ZBTB38: variants seen among roughly 807,000 people sequenced by gnomAD.
ZBTB38 encodes zinc finger and BTB domain-containing protein 38.
Under a neutral mutation model 76.8 loss-of-function variants are expected in ZBTB38, and 20 were observed. The observed-to-expected ratio is 0.26, with a 90% confidence interval of 0.18 to 0.38. The LOEUF is 0.38. ZBTB38 is among the 10% of genes least tolerant of loss of function. The probability of loss-of-function intolerance (pLI) is 1.00; values close to 1 mark genes in which losing one functional copy is unlikely to be tolerated. For synonymous variants in ZBTB38, 504 were observed against 544.2 expected, an observed-to-expected ratio of 0.93 and a Z score of 1.03; for missense variants, 1,082 against 1,482.3, an observed-to-expected ratio of 0.73 and a Z score of 4.43.
intron 5 of ZBTB38, among the ~76,000 whole-genome samples, chr3:141,424,159 T>G (rs1384780730): frequency 1.3e-5 from 2 of 152,224 alleles, no homozygotes; most frequent in African/African-American, 4.8e-5. Context: ...TTAAACACCT[T>G]CCTTTCTACC....
intron 5 of ZBTB38, among the ~76,000 whole-genome samples, chr3:141,426,717 G>A (rs2076468269): frequency 6.6e-6 from 1 of 152,186 alleles, no homozygotes; most frequent in Non-Finnish European, 1.5e-5. Context: ...TAAAGAATTT[G>A]TTGCCAATTC....
chr3:141,360,004 A>AACTTCATCTTCATAACCTCAATTATG, intron 1 of ZBTB38, among the ~76,000 whole-genome samples: 3 of 152,148 alleles, frequency 2.0e-5, no homozygotes, highest in Non-Finnish European at 4.4e-5. Context: ...TGAAGTTTTA[A>AACTTCATCTTCATAACCTCAATTATG]AACCTCATAT....
At chr3:141,403,143 A>T (rs1952931761) in intron 4 of ZBTB38, 2 of 152,336 alleles carry the variant, frequency 1.3e-5, no homozygotes, top group South Asian at 4.1e-4. Context: ...TAACTCCTGC[A>T]CTGCGGTAGG....
At chr3:141,401,611 ATTTT>A (rs10935429) in intron 4 of ZBTB38, among the ~76,000 whole-genome samples, 3 of 146,638 alleles carry the variant, frequency 2.0e-5, no homozygotes, top group Non-Finnish European at 4.5e-5. Flanking sequence ...GTGGCCTTGA[ATTTT>A]TTTTTTTTTT....
chr3:141,370,560 C>T (rs945545604), intron 2 of ZBTB38, among the ~76,000 whole-genome samples: 2 of 152,224 alleles, frequency 1.3e-5, no homozygotes, highest in Non-Finnish European at 2.9e-5. Flanking sequence ...TGCATAGAAA[C>T]AGTGGGAGAA....
chr3:141,438,057 G>T (rs1042723744), intron 5 of ZBTB38, among the ~76,000 whole-genome samples: 7 of 145,670 alleles, frequency 4.8e-5, no homozygotes, highest in African/African-American at 1.8e-4. Flanking sequence ...GACTACAGGC[G>T]CACGCCACTA....
At chr3:141,433,503 G>A in intron 5 of ZBTB38, among the ~76,000 whole-genome samples, 1 of 151,940 alleles carries the variant, frequency 6.6e-6, no homozygotes, top group Non-Finnish European at 1.5e-5. Context: ...TTAGATTGAT[G>A]CAAAAGTAAT....
intron 1 of ZBTB38, among the ~76,000 whole-genome samples, chr3:141,369,628 C>A (rs1195909303): frequency 3.3e-5 from 5 of 152,152 alleles, no homozygotes; most frequent in Non-Finnish European, 7.3e-5. Flanking sequence ...GAGTCAGCAT[C>A]TAGTCTTCGT....
At chr3:141,344,567 T>C (rs1943287956) in intron 1 of ZBTB38, among the ~76,000 whole-genome samples, 1 of 152,090 alleles carries the variant, frequency 6.6e-6, no homozygotes, top group Non-Finnish European at 1.5e-5. Context: ...AGATGTGGGG[T>C]CTCACTGTGT....
chr3:141,439,356 A>T (rs185330900), intron 5 of ZBTB38, among the ~76,000 whole-genome samples: 292 of 152,388 alleles, frequency 1.9e-3, no homozygotes, highest in Non-Finnish European at 3.1e-3. Flanking sequence ...TGACACACAA[A>T]GGTAGATATC....
At chr3:141,402,536 A>C (rs1049081341) in intron 4 of ZBTB38, 2 of 147,280 alleles carry the variant, frequency 1.4e-5, no homozygotes, top group Admixed American at 1.3e-4. Context: ...TGGCGCCGCC[A>C]GCCCGATCGC....
intron 5 of ZBTB38, among the ~76,000 whole-genome samples, chr3:141,436,686 T>G (rs530589477): frequency 2.2e-4 from 34 of 152,166 alleles, no homozygotes; most frequent in South Asian, 1.5e-3. Context: ...TTAATAGAGA[T>G]AGAGTTTCAC....
At chr3:141,426,075 T>C (rs2150322714) in intron 5 of ZBTB38, 1 of 1,166,412 alleles carries the variant, frequency 8.6e-7, no homozygotes, top group East Asian at 5.7e-5. Flanking sequence ...AATGGGGACA[T>C]TGTTGCATTT....
chr3:141,403,035 G>A (rs2149607573), intron 4 of ZBTB38: 1 of 152,300 alleles, frequency 6.6e-6, no homozygotes, highest in Non-Finnish European at 1.5e-5. Flanking sequence ...CTGCTCTGTT[G>A]GTACAACATA....
chr3:141,365,028 A>C (rs1943924770), upstream of ZBTB38, among the ~76,000 whole-genome samples: 1 of 151,790 alleles, frequency 6.6e-6, no homozygotes, highest in African/African-American at 2.4e-5. Flanking sequence ...CAGCAATCCC[A>C]CTCTTTTGTG....
chr3:141,378,332 T>TA (rs1007014331), intron 2 of ZBTB38, among the ~76,000 whole-genome samples: 51 of 151,698 alleles, frequency 3.4e-4, no homozygotes, highest in Admixed American at 8.5e-4. Context: ...GCACATGTGA[T>TA]ACGTTGCATA....
chr3:141,336,720 C>A (rs1051681483), intron 1 of ZBTB38, among the ~76,000 whole-genome samples: 1 of 152,154 alleles, frequency 6.6e-6, no homozygotes, highest in East Asian at 1.9e-4. Flanking sequence ...GGGCCACGGT[C>A]GGCCTCTGGG....
rs768698170 is a variant in ZBTB38 at position 141,444,816 on chromosome 3, G to A, written c.2428G>A (p.Glu810Lys). 6.2e-7 allele frequency: 1 copy of A among 1,614,000 alleles called. No homozygotes were observed. Among genetic ancestry groups the A allele is most frequent in the Non-Finnish European group, 8.5e-7 (1 of 1,180,034 alleles). Residue 810 changes from glutamate (E) to lysine (K), a missense_variant, in exon 6 of 6, where the codon GAA (glutamate) becomes AAA (lysine). Around this residue, in one of 8 missense-constraint regions of ZBTB38, gnomAD observed 471 missense variants for 581.0 expected, o/e 0.81. Coordinates refer to ENST00000321464, the MANE Select transcript of ZBTB38 (RefSeq NM_001376113.1). The surrounding 1 kb of genome is among the most constrained non-coding windows in gnomAD (Gnocchi z 5.1). ...ACTGAGCAAAACCACAAATATTGCT[G>A]AAGAAACCAGCAAAATTGAAACCTA... ...GSLSKTTNIAEETSKIETYIA... is the reference protein window; with the variant it reads ...GSLSKTTNIAKETSKIETYIA...
intron 1 of ZBTB38, among the ~76,000 whole-genome samples, chr3:141,340,950 G>A (rs973305762): frequency 0.26 from 1,761 of 6,830 alleles, 42 homozygotes; most frequent in African/African-American, 0.39. Context: ...AAGAAAGAAG[G>A]AAAGAAAGAA....
Sources: gnomAD v4.1 joint callset for allele counts (sites outside exome capture counted in the v4.1 genomes callset) on GRCh38, gnomAD v4.1.1 for gene constraint, gnomAD v4.1.1 regional missense constraint, Gnocchi (gnomAD v3.1) non-coding constraint, MANE v1.5 for transcripts, NCBI Gene and HGNC (gene_info 2026-07-23, HGNC 2026-07-21) for gene names.